The following GRID2 variants were observed in gnomAD, a reference collection of about 807,000 sequenced individuals.
GRID2 encodes glutamate ionotropic receptor delta type subunit 2.
A neutral mutation model predicts 114.8 loss-of-function variants in GRID2; 33 were observed. The observed-to-expected ratio is 0.29, with a 90% CI of 0.22 to 0.38. The LOEUF is 0.38. Ranked by LOEUF, GRID2 falls within the 10% of genes least tolerant of loss-of-function variation. GRID2 has a pLI of 1.00. For synonymous variants in GRID2, 505 were observed against 449.9 expected (o/e 1.12, Z -1.55); for missense variants, 1,184 against 1,257.7 (o/e 0.94, Z 0.89).
intron 13 of GRID2, among the ~76,000 whole-genome samples, chr4:93,527,421 T>C (rs566389644): frequency 6.6e-6 from 1 of 152,234 alleles, no homozygotes; most frequent in Admixed American, 6.5e-5. Context: ...GAAATAAATA[T>C]ATTACAGTAT....
intron 4 of GRID2, among the ~76,000 whole-genome samples, chr4:93,129,954 T>G (rs1734641611): frequency 6.6e-6 from 1 of 152,186 alleles, no homozygotes; most frequent in Non-Finnish European, 1.5e-5. Context: ...CCAGGTATAT[T>G]TCCTTATGAT....
At chr4:93,770,008 G>A (rs1371361) in intron 15 of GRID2, among the ~76,000 whole-genome samples, 2 of 152,032 alleles carry the variant, frequency 1.3e-5, no homozygotes, top group African/African-American at 4.8e-5. Context: ...AAATTTCAAT[G>A]TTTCTCCTTT....
In GRID2 at chr4:92,922,684, A is replaced by T. The variant is rs187245335; in HGVS notation, c.245-162311A>T. 2.8e-3 allele frequency among the ~76,000 whole-genome samples: 429 copies of T among 152,340 alleles called. 1 individual carries two copies. Among genetic ancestry groups the T allele is most frequent in the Non-Finnish European group, 4.7e-3 (319 of 68,036 alleles). ...ACATCAGCAGGAGGATAAATATATAAATTATATAATAACCACTTAGTGAAA... is the reference window on the plus strand; with the variant it reads ...ACATCAGCAGGAGGATAAATATATATATTATATAATAACCACTTAGTGAAA... On this transcript the variant is annotated intron_variant, in intron 2 of 15. Coordinates refer to ENST00000282020, the MANE Select transcript of GRID2 (RefSeq NM_001510.4).
chr4:92,528,820 T>TA (rs755194146), intron 1 of GRID2, among the ~76,000 whole-genome samples: 8,802 of 94,022 alleles, frequency 0.094, 1,104 homozygotes, highest in African/African-American at 0.3. Flanking sequence ...GAACATCCTG[T>TA]AAAAAAAAAA....
intron 2 of GRID2, among the ~76,000 whole-genome samples, chr4:92,938,880 C>A (rs1750878363): frequency 6.8e-6 from 1 of 146,764 alleles, no homozygotes; most frequent in Non-Finnish European, 1.5e-5. Flanking sequence ...CATGTCCCTA[C>A]AAAGGACATG....
intron 1 of GRID2, among the ~76,000 whole-genome samples, chr4:92,574,431 T>G (rs942660097): frequency 4.7e-5 from 7 of 148,244 alleles, no homozygotes; most frequent in South Asian, 2.1e-4. Context: ...TTTTTTTTTT[T>G]TGTGGCTGGT....
intron 8 of GRID2, among the ~76,000 whole-genome samples, chr4:93,297,104 G>A (rs1560470052): frequency 2.0e-5 from 3 of 152,300 alleles, no homozygotes. Context: ...AGAGGGAAAA[G>A]AGAGATGATA....
In GRID2 at chr4:93,526,921, C is replaced by A. The variant is rs539292378; in HGVS notation, c.2193+11510C>A. ...AATTTTTGTTTAATTTCCATTTTGA[C>A]TTTTTAAAAAATAAAATGTTTTCAT... On this transcript the variant is annotated intron_variant, in intron 13 of 15. Transcript: ENST00000282020. Among the ~76,000 whole-genome samples the A allele has an allele frequency of 2.0e-5, 3 of 152,288 alleles. No individual in the cohort carries two copies. The South Asian group carries it at 6.2e-4, about 32-fold the overall frequency.
chr4:92,574,227 G>A (rs1727774939), intron 1 of GRID2, among the ~76,000 whole-genome samples: 1 of 151,972 alleles, frequency 6.6e-6, no homozygotes, highest in Admixed American at 6.6e-5. Context: ...GCATACCAAT[G>A]GGTTTTAGTT....
intron 2 of GRID2, among the ~76,000 whole-genome samples, chr4:92,646,293 C>G (rs1579755581): frequency 6.6e-6 from 1 of 152,172 alleles, no homozygotes; most frequent in African/African-American, 2.4e-5. Flanking sequence ...GAGTTATTTT[C>G]TCTCGCTTGT....
intron 2 of GRID2, among the ~76,000 whole-genome samples, chr4:92,711,637 T>A (rs987275709): frequency 6.6e-6 from 1 of 152,168 alleles, no homozygotes; most frequent in African/African-American, 2.4e-5. Flanking sequence ...ATGGGGTGAC[T>A]CACGCCTGTA....
chr4:92,495,357 C>A (rs1190078960), intron 1 of GRID2, among the ~76,000 whole-genome samples: 1 of 151,904 alleles, frequency 6.6e-6, no homozygotes, highest in Non-Finnish European at 1.5e-5. Flanking sequence ...TACACAATAG[C>A]AACATAGATT....
chr4:92,916,535 C>T (rs767953719), intron 2 of GRID2, among the ~76,000 whole-genome samples: 1 of 151,752 alleles, frequency 6.6e-6, no homozygotes, highest in African/African-American at 2.4e-5. Context: ...AACAGGCCCT[C>T]GTGTGTGATG....
At chr4:92,967,193 C>G (rs544910686) in intron 2 of GRID2, among the ~76,000 whole-genome samples, 1 of 151,826 alleles carries the variant, frequency 6.6e-6, no homozygotes, top group South Asian at 2.1e-4. Flanking sequence ...AATCTGGGAG[C>G]CTTGTGAATT....
At chr4:92,822,092 G>A (rs1741322943) in intron 2 of GRID2, 3 of 317,764 alleles carry the variant, frequency 9.4e-6, no homozygotes, top group Non-Finnish European at 1.9e-5. Context: ...TCTCTGCCTT[G>A]CTGCAGATTC....
chr4:92,590,135 A>T lies in GRID2; in HGVS notation c.93A>T (p.Ala31=), dbSNP rs1200521870. 1 of 1,608,580 alleles carries T rather than the reference A, an allele frequency of 6.2e-7. No individual in the cohort carries two copies. Among genetic ancestry groups the T allele is most frequent in the Non-Finnish European group, 8.5e-7 (1 of 1,175,516 alleles). The change falls in exon 2 of 16, where the codon GCA becomes GCT. Residue 31 remains alanine, a synonymous_variant. Coordinates refer to ENST00000282020, the MANE Select transcript of GRID2 (RefSeq NM_001510.4). ...ANADSIIHIG[A]IFDESAKKDD... The stretch of plus-strand genomic sequence containing the variant: ...GCAAAATTCACTTCTTTCTAGGAGC[A>T]ATTTTTGATGAATCTGCCAAAAAGG...
intron 2 of GRID2, among the ~76,000 whole-genome samples, chr4:92,669,624 A>G (rs1732956722): frequency 6.6e-6 from 1 of 151,982 alleles, no homozygotes; most frequent in African/African-American, 2.4e-5. Context: ...TTGCAAATCA[A>G]AAGCCATTAT....
intron 8 of GRID2, among the ~76,000 whole-genome samples, chr4:93,248,764 A>G (rs987294614): frequency 6.6e-6 from 1 of 152,196 alleles, no homozygotes; most frequent in Non-Finnish European, 1.5e-5. Context: ...AAACTAATGA[A>G]TATTATGTCC....
At chr4:93,696,305 A>G (rs532194513) in intron 14 of GRID2, among the ~76,000 whole-genome samples, 1 of 152,288 alleles carries the variant, frequency 6.6e-6, no homozygotes, top group South Asian at 2.1e-4. Flanking sequence ...AGCTGTCAGC[A>G]TTTCCTCACT....
Sources: allele counts gnomAD v4.1 joint callset (sites outside exome capture counted in the v4.1 genomes callset), GRCh38; gene constraint gnomAD v4.1.1; transcripts MANE v1.5; gene names NCBI Gene and HGNC (gene_info 2026-07-23, HGNC 2026-07-21).